DLG2: variants seen among roughly 807,000 people sequenced by gnomAD.
DLG2 encodes discs large MAGUK scaffold protein 2.
In DLG2, 45 loss-of-function variants were observed where a neutral mutation model predicts 132.5. The ratio of observed to expected loss-of-function variants is 0.34; its 90% CI spans 0.27 to 0.44. DLG2 has a LOEUF of 0.44. DLG2 is among the 20% of genes least tolerant of loss of function. The probability of loss-of-function intolerance (pLI) is 1.00; values close to 1 mark genes in which losing one functional copy is unlikely to be tolerated. For missense variants in DLG2, 1,045 were observed against 1,196.9 expected (o/e 0.87, Z 1.87); for synonymous variants, 424 against 419.6 (o/e 1.01, Z -0.13).
intron 8 of DLG2, among the ~76,000 whole-genome samples, chr11:84,208,341 CTTTTTTT>C (rs775828270): frequency 1.6e-5 from 2 of 122,788 alleles, no homozygotes; most frequent in South Asian, 2.6e-4. Context: ...TCAGAATAAA[CTTTTTTT>C]TTTTTTTTTT....
chr11:83,764,222 A>C (rs2094038850), intron 18 of DLG2, among the ~76,000 whole-genome samples: 1 of 152,226 alleles, frequency 6.6e-6, no homozygotes, highest in African/African-American at 2.4e-5. Context: ...TGCAGAGCTG[A>C]GAAAATCACG....
intron 15 of DLG2, among the ~76,000 whole-genome samples, chr11:83,916,508 G>T (rs1201366283): frequency 6.6e-6 from 1 of 151,872 alleles, no homozygotes. Flanking sequence ...TAGAGATGGG[G>T]TTTCACCATG....
intron 3 of DLG2, among the ~76,000 whole-genome samples, chr11:85,545,006 G>A (rs1485608879): frequency 4.6e-5 from 7 of 152,102 alleles, no homozygotes; most frequent in Non-Finnish European, 1.0e-4. Context: ...GATTGCCCTG[G>A]CCAGAACTTC....
At chr11:84,645,319 T>C (rs1052482313) in intron 6 of DLG2, among the ~76,000 whole-genome samples, 5 of 152,114 alleles carry the variant, frequency 3.3e-5, no homozygotes, top group Non-Finnish European at 7.4e-5. Flanking sequence ...ACTATCAATA[T>C]CTGATATATA....
chr11:84,617,554 G>A (rs1379826530), intron 6 of DLG2, among the ~76,000 whole-genome samples: 1 of 152,082 alleles, frequency 6.6e-6, no homozygotes, highest in East Asian at 1.9e-4. Flanking sequence ...CTTGAGGAAT[G>A]GCCACACTGT....
chr11:83,926,002 G>A (rs1565665562), intron 15 of DLG2, among the ~76,000 whole-genome samples: 1 of 152,082 alleles, frequency 6.6e-6, no homozygotes, highest in Non-Finnish European at 1.5e-5. Flanking sequence ...CACATTTCTT[G>A]CTTCTGCAAG....
chr11:84,934,279 T>C (rs2048424764), intron 6 of DLG2, among the ~76,000 whole-genome samples: 1 of 152,178 alleles, frequency 6.6e-6, no homozygotes, highest in South Asian at 2.1e-4. Flanking sequence ...TTTGCTAGTA[T>C]TTTGTTGAAA....
intron 6 of DLG2, among the ~76,000 whole-genome samples, chr11:84,949,673 G>C (rs920612063): frequency 3.7e-4 from 56 of 152,272 alleles, no homozygotes; most frequent in African/African-American, 1.3e-3. Context: ...CTGGCTCACC[G>C]GCAGTCAGAG....
chr11:84,637,852 G>A (rs1424548717), intron 6 of DLG2, among the ~76,000 whole-genome samples: 1 of 152,168 alleles, frequency 6.6e-6, no homozygotes, highest in African/African-American at 2.4e-5. Flanking sequence ...GGTAAAATCT[G>A]ATTCTTACAA....
chr11:85,090,711 C>T (rs1318845422), intron 6 of DLG2, among the ~76,000 whole-genome samples: 1 of 152,176 alleles, frequency 6.6e-6, no homozygotes, highest in Non-Finnish European at 1.5e-5. Context: ...ACTTCAGGTT[C>T]AGTTCTAGAT....
At chr11:84,831,640 G>A (rs1183603951) in intron 6 of DLG2, among the ~76,000 whole-genome samples, 1 of 151,540 alleles carries the variant, frequency 6.6e-6, no homozygotes, top group Non-Finnish European at 1.5e-5. Flanking sequence ...GTTTCTGATG[G>A]TTTACTGTTC....
chr11:83,993,114 C>T (rs893734295), intron 11 of DLG2, among the ~76,000 whole-genome samples: 2 of 152,038 alleles, frequency 1.3e-5, no homozygotes, highest in East Asian at 3.9e-4. Context: ...ATTGAATTGC[C>T]TTACATATTA....
chr11:85,214,721 T>G (rs1233356335), intron 4 of DLG2, among the ~76,000 whole-genome samples: 1 of 152,240 alleles, frequency 6.6e-6, no homozygotes, highest in Non-Finnish European at 1.5e-5. Flanking sequence ...GATATCCACA[T>G]AAAACTACTT....
At position 84,875,019 on chromosome 11, in the gene DLG2, CAAA is replaced by C. The variant is rs563276131; in HGVS notation, c.357+236639_357+236641del. Among the ~76,000 whole-genome samples the C allele has an allele frequency of 4.7e-4, 28 of 59,890 alleles. 1 individual carries two copies. Among genetic ancestry groups the C allele is most frequent in the African/African-American group, 1.1e-3 (22 of 19,138 alleles). 39.3% of individuals were successfully genotyped at this position (59,890 alleles called of 152,430 possible). A position where few individuals can be genotyped will look rare whatever the true frequency, so the allele number is the denominator to read the frequency against. ...TGGGCAACAGACCAATACTTCATCT[CAAA>C]AAAAAAAAAAAAAAAAGAGAAAGAT... On this transcript the variant is annotated intron_variant, in intron 6 of 27. Coordinates refer to ENST00000376104, the MANE Select transcript of DLG2 (RefSeq NM_001142699.3).
At chr11:83,980,085 T>C (rs1378439877) in intron 12 of DLG2, among the ~76,000 whole-genome samples, 1 of 152,184 alleles carries the variant, frequency 6.6e-6, no homozygotes, top group African/African-American at 2.4e-5. Flanking sequence ...AAATCATATG[T>C]TGAAGCCCTA....
intron 14 of DLG2, among the ~76,000 whole-genome samples, chr11:83,948,847 T>C (rs1429239340): frequency 2.0e-5 from 3 of 152,196 alleles, no homozygotes; most frequent in Admixed American, 2.0e-4. Flanking sequence ...GGAAGGTTAA[T>C]GGGTTTATAT....
At chr11:85,559,728 T>C (rs1338971293) in intron 3 of DLG2, among the ~76,000 whole-genome samples, 1 of 151,644 alleles carries the variant, frequency 6.6e-6, no homozygotes, top group Non-Finnish European at 1.5e-5. Context: ...TTGCTGTTCA[T>C]GTAGAAAACT....
At chr11:84,422,208 G>A (rs78212640) in intron 7 of DLG2, among the ~76,000 whole-genome samples, 115 of 152,264 alleles carry the variant, frequency 7.6e-4, no homozygotes, top group African/African-American at 2.6e-3. Context: ...TATAGTGAAT[G>A]AATAAATGAA....
chr11:84,192,988 A>T (rs959224633), intron 8 of DLG2, among the ~76,000 whole-genome samples: 3 of 152,018 alleles, frequency 2.0e-5, no homozygotes, highest in Non-Finnish European at 2.9e-5. Context: ...CTTTAAAATT[A>T]AAAAAAATTA....
Sources: allele counts gnomAD v4.1 joint callset (sites outside exome capture counted in the v4.1 genomes callset), GRCh38; gene constraint gnomAD v4.1.1; transcripts MANE v1.5; gene names NCBI Gene and HGNC (gene_info 2026-07-23, HGNC 2026-07-21).